CACNA2D2: variants seen among roughly 807,000 people sequenced by gnomAD.
CACNA2D2 encodes the protein voltage-dependent calcium channel subunit alpha-2/delta-2.
CACNA2D2 carries 48 observed loss-of-function variants against 166.4 expected under a neutral mutation model. The observed-to-expected ratio is 0.29, with a 90% CI of 0.23 to 0.37. CACNA2D2 has a LOEUF of 0.37. Among genes scored for constraint, CACNA2D2 ranks in the 10% least tolerant of loss-of-function variants. CACNA2D2 has a pLI of 1.00. For synonymous variants in CACNA2D2, 561 were observed against 573.7 expected (o/e 0.98, Z 0.32); for missense variants, 1,122 against 1,433.0 (o/e 0.78, Z 3.50).
chr3:50,390,457 G>A (rs1361712333), intron 4 of CACNA2D2, among the ~76,000 whole-genome samples: 1 of 152,202 alleles, frequency 6.6e-6, no homozygotes, highest in African/African-American at 2.4e-5. Context: ...CTGCCCATGA[G>A]TGGCCACCTT....
chr3:50,396,539 G>A (rs547347626), intron 3 of CACNA2D2, among the ~76,000 whole-genome samples: 17 of 152,000 alleles, frequency 1.1e-4, no homozygotes, highest in Non-Finnish European at 1.9e-4. Flanking sequence ...TGCCCACGCC[G>A]ACCCCAAACC....
rs1705272533 is a variant in CACNA2D2 at position 50,380,910 on chromosome 3, C to G, written c.784+85G>C. 6.4e-7 allele frequency: 1 copy of G among 1,574,628 alleles called. No homozygotes were observed. Among genetic ancestry groups the G allele is most frequent in the African/African-American group, 1.3e-5 (1 of 74,224 alleles). On this transcript the variant is annotated intron_variant, in intron 7 of 37. Transcript: ENST00000424201. The surrounding 1 kb of genome is among the most constrained non-coding windows in gnomAD (Gnocchi z 4.9). The stretch of plus-strand genomic sequence containing the variant: ...TGCCACAGACTACAGAGAAGCCACC[C>G]CGCCCCATGCCCCCAGGATGGGTGG...
At chr3:50,370,798 AAAC>A (rs1704618757) in intron 22 of CACNA2D2, among the ~76,000 whole-genome samples, 1 of 152,090 alleles carries the variant, frequency 6.6e-6, no homozygotes, top group African/African-American at 2.4e-5. Context: ...ATAATGGAAA[AAAC>A]CGCATGCTGA....
intron 2 of CACNA2D2, among the ~76,000 whole-genome samples, chr3:50,459,895 G>A (rs751812988): frequency 4.6e-5 from 7 of 151,542 alleles, no homozygotes; most frequent in Admixed American, 3.9e-4. Flanking sequence ...ATTCCTGGGG[G>A]TTCTGCCTTC....
At chr3:50,431,980 C>CAAAAA (rs57712165) in intron 3 of CACNA2D2, among the ~76,000 whole-genome samples, 2,077 of 92,072 alleles carry the variant, frequency 0.023, 148 homozygotes, top group African/African-American at 0.086. Flanking sequence ...GTGTCTGTCT[C>CAAAAA]AAAAAAAAAA....
At chr3:50,390,017 G>C (rs1369332242) in intron 4 of CACNA2D2, among the ~76,000 whole-genome samples, 1 of 152,080 alleles carries the variant, frequency 6.6e-6, no homozygotes, top group Non-Finnish European at 1.5e-5. Context: ...TCAGGGTCAG[G>C]GTGGGAGGGT....
intron 4 of CACNA2D2, among the ~76,000 whole-genome samples, chr3:50,390,347 TG>T (rs1405058620): frequency 6.6e-6 from 1 of 152,170 alleles, no homozygotes; most frequent in Non-Finnish European, 1.5e-5. Flanking sequence ...GCTTCATCTC[TG>T]GGTCTCTACT....
rs751413131 is a variant in CACNA2D2, at chr3:50,364,818, G to C, written c.3292-12C>G. 1.9e-6 allele frequency: 3 copies of C among 1,612,600 alleles called. No individual in the cohort carries two copies. The highest frequency in any genetic ancestry group is 3.3e-5 in the Admixed American group (2 of 59,956). ...TCTGAGGTATCTTCCTGCGGGGAGA[G>C]ACAAGGAGCTGGTCGGCCTGGGCGG... On this transcript the variant is annotated splice_polypyrimidine_tract_variant and intron_variant, in intron 37 of 37. Coordinates refer to ENST00000424201, the MANE Select transcript of CACNA2D2 (RefSeq NM_006030.4).
rs1704210196 is a variant in CACNA2D2 at position 50,365,568 on chromosome 3, A to G, written c.2971+65T>C. On this transcript the variant is annotated intron_variant, in intron 34 of 37. Coordinates refer to ENST00000424201, the MANE Select transcript of CACNA2D2 (RefSeq NM_006030.4). This position sits in a 1 kb window ranked among gnomAD's most constrained non-coding sequence, Gnocchi z 4.5. ...CTCAGTCGTAGACCCCACCCTCCCC[A>G]TGGAGTCGTCTTAGCTCAGATTGGG... is the stretch of plus-strand genomic sequence containing the variant. The G allele has an allele frequency of 6.3e-7, 1 of 1,581,670 alleles. No homozygotes were observed. The highest frequency in any genetic ancestry group is 8.6e-7 in the Non-Finnish European group (1 of 1,163,146).
intron 3 of CACNA2D2, among the ~76,000 whole-genome samples, chr3:50,414,928 A>T (rs1707199222): frequency 6.6e-6 from 1 of 152,208 alleles, no homozygotes; most frequent in South Asian, 2.1e-4. Context: ...TTAACAAATC[A>T]TTTTATTTAG....
intron 3 of CACNA2D2, among the ~76,000 whole-genome samples, chr3:50,433,856 G>A (rs887118676): frequency 3.9e-5 from 6 of 152,106 alleles, no homozygotes; most frequent in Admixed American, 2.6e-4. Flanking sequence ...CCATCCTTAC[G>A]TGGCCTTCTC....
intron 1 of CACNA2D2, among the ~76,000 whole-genome samples, chr3:50,500,617 G>A (rs1196588754): frequency 6.6e-6 from 1 of 152,110 alleles, no homozygotes; most frequent in Non-Finnish European, 1.5e-5. Context: ...CAGGTGAAAG[G>A]TGTGCTCGGA....
At chr3:50,397,836 T>C (rs1706234346) in intron 3 of CACNA2D2, among the ~76,000 whole-genome samples, 1 of 152,220 alleles carries the variant, frequency 6.6e-6, no homozygotes, top group East Asian at 1.9e-4. Flanking sequence ...AGGTGGGCTT[T>C]ACTCCCCTCC....
At chr3:50,439,454 G>A (rs552014026) in intron 2 of CACNA2D2, among the ~76,000 whole-genome samples, 1 of 152,376 alleles carries the variant, frequency 6.6e-6, no homozygotes, top group South Asian at 2.1e-4. Context: ...GCTGCCAGCT[G>A]TCTCCTCAAA....
intron 2 of CACNA2D2, among the ~76,000 whole-genome samples, chr3:50,458,861 G>A (rs979861537): frequency 2.6e-5 from 4 of 152,222 alleles, no homozygotes; most frequent in Admixed American, 6.5e-5. Flanking sequence ...CTAGAAGACC[G>A]GGAGAACCTT....
intron 2 of CACNA2D2, among the ~76,000 whole-genome samples, chr3:50,450,518 T>C (rs907099766): frequency 2.1e-4 from 32 of 152,160 alleles, no homozygotes; most frequent in Non-Finnish European, 1.5e-5. Context: ...CCCATCACCC[T>C]GCTCTCGCCC....
At chr3:50,421,890 C>T (rs1348306781) in intron 3 of CACNA2D2, among the ~76,000 whole-genome samples, 2 of 152,088 alleles carry the variant, frequency 1.3e-5, no homozygotes, top group Non-Finnish European at 2.9e-5. Context: ...TGCACCCCAC[C>T]AGTTCACTGG....
chr3:50,503,826 G>A (rs1489172938), upstream of CACNA2D2, among the ~76,000 whole-genome samples: 1 of 151,514 alleles, frequency 6.6e-6, no homozygotes, highest in Non-Finnish European at 1.5e-5. Context: ...TACTGGCTCG[G>A]GCGTCCTGCG....
At chr3:50,382,409 C>T (rs968780823) in intron 6 of CACNA2D2, among the ~76,000 whole-genome samples, 5 of 152,178 alleles carry the variant, frequency 3.3e-5, no homozygotes, top group East Asian at 1.9e-4. Context: ...GCCTCTGCTC[C>T]GGCCCTGGGG....
Sources: gnomAD v4.1 joint callset for allele counts (sites outside exome capture counted in the v4.1 genomes callset) on GRCh38, gnomAD v4.1.1 for gene constraint, Gnocchi (gnomAD v3.1) non-coding constraint, MANE v1.5 for transcripts, NCBI Gene and HGNC (gene_info 2026-07-23, HGNC 2026-07-21) for gene names.